The following FREM1 variants were observed in gnomAD, a reference collection of about 807,000 sequenced individuals.
FREM1 encodes the protein FRAS1-related extracellular matrix protein 1.
Under a neutral mutation model 210.1 loss-of-function variants are expected in FREM1, and 220 were observed. That is an observed-to-expected ratio of 1.05 (90% CI 0.94 to 1.17). The LOEUF (loss-of-function observed/expected upper bound fraction) is 1.17. Among genes scored for constraint, FREM1 ranks in the 50% most tolerant of loss-of-function variants. The probability of loss-of-function intolerance (pLI) is 0.00; values close to 1 mark genes in which losing one functional copy is unlikely to be tolerated. For synonymous variants in FREM1, 1,189 were observed against 980.2 expected, an observed-to-expected ratio of 1.21 and a Z score of -3.98; for missense variants, 3,454 against 2,675.5, an observed-to-expected ratio of 1.29 and a Z score of -6.42.
chr9:14,809,185 C>G (rs1453620931), intron 16 of FREM1, among the ~76,000 whole-genome samples: 1 of 152,170 alleles, frequency 6.6e-6, no homozygotes, highest in African/African-American at 2.4e-5. Context: ...TTGCTTGCTG[C>G]CATCCATGTA....
intron 1 of FREM1, among the ~76,000 whole-genome samples, chr9:14,906,705 G>C (rs1018208404): frequency 5.3e-5 from 8 of 152,194 alleles, no homozygotes; most frequent in African/African-American, 1.9e-4. Flanking sequence ...TAGCATGGCA[G>C]TGGGTGTGGG....
intron 27 of FREM1, among the ~76,000 whole-genome samples, chr9:14,761,868 T>G (rs752618481): frequency 1.3e-5 from 2 of 152,214 alleles, no homozygotes; most frequent in Admixed American, 6.5e-5. Flanking sequence ...TACATAATCA[T>G]GGCCCCAAAG....
chr9:14,910,725 A>T (rs994996606), upstream of FREM1: 4 of 152,396 alleles, frequency 2.6e-5, no homozygotes, highest in Non-Finnish European at 5.9e-5. Context: ...GCACACACAT[A>T]CGCACAGGCC....
intron 10 of FREM1, among the ~76,000 whole-genome samples, chr9:14,827,633 G>A (rs1367392016): frequency 4.6e-5 from 7 of 152,214 alleles, no homozygotes; most frequent in Non-Finnish European, 1.0e-4. Flanking sequence ...ATATGATAGA[G>A]AGATTAGTAT....
intron 1 of FREM1, among the ~76,000 whole-genome samples, chr9:14,881,684 C>A (rs570423230): frequency 6.6e-6 from 1 of 152,310 alleles, no homozygotes; most frequent in East Asian, 1.9e-4. Flanking sequence ...ATTTGTCCCA[C>A]AACATCCAAC....
intron 16 of FREM1, among the ~76,000 whole-genome samples, chr9:14,812,569 A>T (rs1417800727): frequency 2.0e-5 from 3 of 152,234 alleles, no homozygotes; most frequent in Non-Finnish European, 4.4e-5. Context: ...TCTGTGTGGT[A>T]GCGTCAGGAA....
chr9:14,808,468 T>C (rs999496651), intron 16 of FREM1, among the ~76,000 whole-genome samples: 1 of 152,152 alleles, frequency 6.6e-6, no homozygotes, highest in African/African-American at 2.4e-5. Flanking sequence ...TCCCTTATAA[T>C]CATTTCATGT....
At chr9:14,769,037 C>A (rs1847028864) in intron 27 of FREM1, among the ~76,000 whole-genome samples, 1 of 152,140 alleles carries the variant, frequency 6.6e-6, no homozygotes, top group African/African-American at 2.4e-5. Context: ...TATCTGTTAG[C>A]TGGTAAGATA....
chr9:14,866,816 A>G (rs1285612614), intron 2 of FREM1, among the ~76,000 whole-genome samples: 1 of 151,998 alleles, frequency 6.6e-6, no homozygotes, highest in Non-Finnish European at 1.5e-5. Context: ...CTCTAGGATC[A>G]GGTGTCCTAT....
At chr9:14,860,654 C>T (rs1225180365) in intron 3 of FREM1, among the ~76,000 whole-genome samples, 1 of 138,140 alleles carries the variant, frequency 7.2e-6, no homozygotes, top group African/African-American at 2.8e-5. Flanking sequence ...TACATATATA[C>T]ACATATATAC....
rs780594544 is a variant in FREM1 at position 14,747,383 on chromosome 9, T to C, written c.5890A>G (p.Thr1964Ala). The C allele has an allele frequency of 6.8e-6, 11 of 1,613,582 alleles. No individual in the cohort carries two copies. The highest frequency in any genetic ancestry group is 2.2e-5 in the East Asian group (1 of 44,860). ...GATACTTTGGCCTTCCTTTTGTGAG[T>C]TGGGAAACTGTCATCCTCCAGTTTC... ...SLKLEDDSFPTHKRKAKVSII... is the reference protein window; with the variant it reads ...SLKLEDDSFPAHKRKAKVSII... The change falls in exon 33 of 37, where the codon ACT becomes GCT. Residue 1964 changes from threonine (T) to alanine (A), a missense_variant. Coordinates refer to ENST00000380880, the MANE Select transcript of FREM1 (RefSeq NM_001379081.2).
rs201544807 is a variant in FREM1 at position 14,851,377 on chromosome 9, T to G, written c.1059A>C (p.Arg353Ser). The stretch of plus-strand genomic sequence containing the variant: ...CTTTCCAGGTGAATGAGGAGATTGG[T>G]CTGGTGTGATCCAACAGGTGAGTCA... ...GYVTHLLDHTRPISSFTWKDL... is the reference protein window; with the variant it reads ...GYVTHLLDHTSPISSFTWKDL... The change falls in exon 6 of 37, where the codon AGA becomes AGC. Residue 353 changes from arginine to serine, a missense_variant. By Grantham distance (110) the Arg-to-Ser change is moderately radical. Transcript: ENST00000380880. The G allele has an allele frequency of 6.8e-6, 11 of 1,613,916 alleles. No individual in the cohort carries two copies. Among genetic ancestry groups the G allele is most frequent in the Non-Finnish European group, 9.3e-6 (11 of 1,179,854 alleles).
chr9:14,842,658 C>G lies in FREM1; in HGVS notation c.1396G>C (p.Gly466Arg). Reference protein sequence around the residue: ...LQHGWLTLRGGKGFLFTVADL... With the variant: ...LQHGWLTLRGRKGFLFTVADL... ...GCCACGGTGAAGAGAAACCCTTTCCCCCCTGAGGGAGAGAGCAGAGATGGA... is the reference window on the plus strand; with the variant it reads ...GCCACGGTGAAGAGAAACCCTTTCCGCCCTGAGGGAGAGAGCAGAGATGGA... Residue 466 changes from glycine (G) to arginine (R), a missense_variant and splice_region_variant, in exon 9 of 37, where the codon GGG becomes CGG. Physicochemically the swap from Gly to Arg is moderately radical, Grantham distance 125. Coordinates refer to ENST00000380880, the MANE Select transcript of FREM1 (RefSeq NM_001379081.2). 1 of 1,611,380 alleles carries G rather than the reference C, an allele frequency of 6.2e-7. No individual in the cohort carries two copies. Among genetic ancestry groups the G allele is most frequent in the Non-Finnish European group, 8.5e-7 (1 of 1,178,406 alleles).
chr9:14,893,740 G>A (rs1295171796), intron 1 of FREM1, among the ~76,000 whole-genome samples: 1 of 152,194 alleles, frequency 6.6e-6, no homozygotes, highest in Non-Finnish European at 1.5e-5. Context: ...AAGACTATAA[G>A]AAGTCATGGA....
chr9:14,801,680 G>A lies in FREM1; in HGVS notation c.3666C>T (p.His1222=), dbSNP rs75281180. ...ANPHQKHAPV[H]SFSMELLKTG... The stretch of plus-strand genomic sequence containing the variant: ...TCTTGAGGAGTTCCATGGAAAAGCT[G>A]TGAACAGGTGCATGTTTCTGGTGAG... The change falls in exon 20 of 37, where the codon CAC becomes CAT. Residue 1222 remains histidine (H), a synonymous_variant. Transcript: ENST00000380880. 4.3e-6 allele frequency: 7 copies of A among 1,613,594 alleles called. No homozygotes were observed. In the South Asian group the frequency reaches 5.5e-5, roughly 13 times the overall value.
chr9:14,901,963 CA>C (rs1416281796), intron 1 of FREM1, among the ~76,000 whole-genome samples: 4 of 151,734 alleles, frequency 2.6e-5, no homozygotes, highest in Non-Finnish European at 4.4e-5. Context: ...GTGATCCTCC[CA>C]CCTGTCTCCT....
intron 1 of FREM1, among the ~76,000 whole-genome samples, chr9:14,898,785 C>T (rs1838237069): frequency 2.0e-5 from 3 of 152,084 alleles, no homozygotes; most frequent in South Asian, 4.1e-4. Context: ...AAAGAGTGAA[C>T]CCTATTGTAA....
At chr9:14,833,293 A>C (rs1023948582) in intron 10 of FREM1, among the ~76,000 whole-genome samples, 17 of 152,220 alleles carry the variant, frequency 1.1e-4, no homozygotes, top group African/African-American at 2.9e-4. Flanking sequence ...TCTTGTGGCT[A>C]GTTTCTTGGT....
chr9:14,909,372 C>G (rs1011172850), intron 1 of FREM1, among the ~76,000 whole-genome samples: 4 of 151,992 alleles, frequency 2.6e-5, no homozygotes, highest in Middle Eastern at 3.2e-3. Context: ...CCAAAAACTT[C>G]AGAACAAGGC....
Sources: allele counts gnomAD v4.1 joint callset (sites outside exome capture counted in the v4.1 genomes callset), GRCh38; gene constraint gnomAD v4.1.1; transcripts MANE v1.5; gene names NCBI Gene and HGNC (gene_info 2026-07-23, HGNC 2026-07-21).